Variants in LDLRAD3 observed in about 807,000 individuals in gnomAD.
LDLRAD3 encodes low-density lipoprotein receptor class A domain-containing protein 3.
A neutral mutation model predicts 29.4 loss-of-function variants in LDLRAD3; 20 were observed. The ratio of observed to expected loss-of-function variants is 0.68; its 90% CI spans 0.48 to 0.99. LDLRAD3 has a LOEUF of 0.99. Among genes scored for constraint, LDLRAD3 ranks in the 50% least tolerant of loss-of-function variants. LDLRAD3 has a pLI of 0.00. For missense variants in LDLRAD3, 420 were observed against 454.3 expected (o/e 0.92, Z 0.69); for synonymous variants, 157 against 192.7 (o/e 0.81, Z 1.53).
At chr11:36,137,484 G>C (rs1387630377) in intron 4 of LDLRAD3, among the ~76,000 whole-genome samples, 1 of 152,204 alleles carries the variant, frequency 6.6e-6, no homozygotes, top group Admixed American at 6.5e-5. Context: ...GATTCTGAAG[G>C]TGAAGCATTC....
intron 1 of LDLRAD3, among the ~76,000 whole-genome samples, chr11:35,953,787 G>A (rs1471244947): frequency 2.0e-5 from 3 of 152,186 alleles, no homozygotes; most frequent in Non-Finnish European, 4.4e-5. Context: ...CAGAGTTCAA[G>A]CTGTAAAGAA....
chr11:36,126,910 A>T (rs1181452506), intron 4 of LDLRAD3, among the ~76,000 whole-genome samples: 1 of 152,230 alleles, frequency 6.6e-6, no homozygotes, highest in Non-Finnish European at 1.5e-5. Context: ...GAGCAAGTGC[A>T]TCCTGTGAAC....
intron 4 of LDLRAD3, among the ~76,000 whole-genome samples, chr11:36,137,735 T>C (rs978779248): frequency 3.3e-5 from 5 of 152,234 alleles, no homozygotes; most frequent in African/African-American, 1.2e-4. Flanking sequence ...CCTTATATTT[T>C]GAATAGATAA....
intron 2 of LDLRAD3, among the ~76,000 whole-genome samples, chr11:36,080,235 C>G (rs1033422179): frequency 5.3e-5 from 8 of 152,270 alleles, no homozygotes; most frequent in African/African-American, 1.9e-4. Context: ...TGGGATGTAG[C>G]AATAGGTCTC....
At chr11:36,084,251 A>G (rs1853163218) in intron 3 of LDLRAD3, among the ~76,000 whole-genome samples, 1 of 152,160 alleles carries the variant, frequency 6.6e-6, no homozygotes, top group Non-Finnish European at 1.5e-5. Context: ...AAATGAGTAA[A>G]TTATACCCAT....
chr11:36,069,719 G>C (rs7101931), intron 2 of LDLRAD3, among the ~76,000 whole-genome samples: 143,680 of 152,030 alleles, frequency 0.95, 68,417 homozygotes, highest in East Asian at 1. Context: ...CCTTTCAGTT[G>C]CTCCTTTACC....
intron 4 of LDLRAD3, among the ~76,000 whole-genome samples, chr11:36,145,395 C>A (rs1200727083): frequency 9.7e-6 from 1 of 103,114 alleles, no homozygotes; most frequent in Non-Finnish European, 2.0e-5. Flanking sequence ...GGGGTCAGCC[C>A]CCCGCCCAGC....
intron 1 of LDLRAD3, among the ~76,000 whole-genome samples, chr11:36,008,352 C>T (rs1851910374): frequency 6.6e-6 from 1 of 152,120 alleles, no homozygotes; most frequent in African/African-American, 2.4e-5. Context: ...AGGAAAGCCT[C>T]CTCCATCCCA....
At position 36,097,756 on chromosome 11, in the gene LDLRAD3, G is replaced by C. The variant is rs77664666; in HGVS notation, c.320-571G>C. Among the ~76,000 whole-genome samples the C allele has an allele frequency of 6.4e-4, 98 of 152,154 alleles. 2 individuals are homozygous for C. In the East Asian group the frequency reaches 0.016, roughly 25 times the overall value. On this transcript the variant is annotated intron_variant, in intron 3 of 5. Coordinates refer to ENST00000315571, the MANE Select transcript of LDLRAD3 (RefSeq NM_174902.4). ...TGAGTAATGGACACCTGAATACCCT[G>C]ACTTGATCACATCATGCATTATGTA...
chr11:36,014,969 G>C (rs1306100190), intron 1 of LDLRAD3, among the ~76,000 whole-genome samples: 1 of 152,224 alleles, frequency 6.6e-6, no homozygotes, highest in African/African-American at 2.4e-5. Flanking sequence ...TGATAACCAA[G>C]AATAATCCCA....
At chr11:36,085,378 A>T (rs1853180177) in intron 3 of LDLRAD3, among the ~76,000 whole-genome samples, 1 of 147,606 alleles carries the variant, frequency 6.8e-6, no homozygotes, top group Non-Finnish European at 1.5e-5. Context: ...AGTTTTCATC[A>T]GTTAGATCAT....
intron 1 of LDLRAD3, among the ~76,000 whole-genome samples, chr11:35,946,159 C>T (rs1851054286): frequency 6.6e-6 from 1 of 152,218 alleles, no homozygotes; most frequent in South Asian, 2.1e-4. Context: ...CCTGGGCTCC[C>T]AGCCCATAAG....
intron 1 of LDLRAD3, among the ~76,000 whole-genome samples, chr11:35,945,508 C>T (rs979160613): frequency 1.3e-5 from 2 of 152,164 alleles, no homozygotes; most frequent in Non-Finnish European, 2.9e-5. Flanking sequence ...GGTGAGAGTG[C>T]CCTTAAATTA....
rs140321739 is a variant in LDLRAD3 at position 36,097,328 on chromosome 11, C to T, written c.320-999C>T. Among the ~76,000 whole-genome samples the T allele has an allele frequency of 5.1e-3, 775 of 152,322 alleles. 4 individuals are homozygous for T. Among genetic ancestry groups the T allele is most frequent in the East Asian group, 0.022 (112 of 5,188 alleles). On this transcript the variant is annotated intron_variant, in intron 3 of 5. Coordinates refer to ENST00000315571, the MANE Select transcript of LDLRAD3 (RefSeq NM_174902.4). The stretch of plus-strand genomic sequence containing the variant: ...GTTAGGGAACTGGAAGTATCCTACA[C>T]GGCTGTGGGATCAGATCATGTCATT...
intron 1 of LDLRAD3, chr11:35,967,339 T>C: frequency 4.6e-6 from 1 of 219,724 alleles, no homozygotes; most frequent in Non-Finnish European, 9.0e-6. Flanking sequence ...AAAAGTCTTC[T>C]GAGAGCTCCT....
chr11:36,110,687 C>T (rs1006510195), intron 4 of LDLRAD3, among the ~76,000 whole-genome samples: 14 of 152,220 alleles, frequency 9.2e-5, no homozygotes, highest in African/African-American at 3.4e-4. Context: ...CGGTCTCACC[C>T]AGGTACTGGA....
At chr11:36,204,863 G>C (rs1590354580) in intron 4 of LDLRAD3, among the ~76,000 whole-genome samples, 3 of 152,214 alleles carry the variant, frequency 2.0e-5, no homozygotes, top group Admixed American at 2.0e-4. Flanking sequence ...TATCATTTCA[G>C]TATTTGGACA....
intron 1 of LDLRAD3, among the ~76,000 whole-genome samples, chr11:35,986,757 G>A (rs1269106763): frequency 6.6e-6 from 1 of 152,194 alleles, no homozygotes; most frequent in Non-Finnish European, 1.5e-5. Flanking sequence ...ACCCAAACTA[G>A]TCACGTGGCC....
chr11:36,199,147 A>T (rs1404042924), intron 4 of LDLRAD3, among the ~76,000 whole-genome samples: 1 of 152,034 alleles, frequency 6.6e-6, no homozygotes, highest in East Asian at 2.0e-4. Flanking sequence ...TGATCCGCCC[A>T]CCTTGGCCTA....
Sources: gnomAD v4.1 joint callset for allele counts (sites outside exome capture counted in the v4.1 genomes callset) on GRCh38, gnomAD v4.1.1 for gene constraint, MANE v1.5 for transcripts, NCBI Gene and HGNC (gene_info 2026-07-23, HGNC 2026-07-21) for gene names.